Variants in SNX14 observed in about 807,000 individuals in gnomAD.
SNX14 encodes the protein sorting nexin 14, also known as sorting nexin-14.
A neutral mutation model predicts 133.8 loss-of-function variants in SNX14; 93 were observed. The ratio of observed to expected loss-of-function variants is 0.70; its 90% CI spans 0.59 to 0.83. The LOEUF (loss-of-function observed/expected upper bound fraction) is 0.83. Among genes scored for constraint, SNX14 ranks in the 40% least tolerant of loss-of-function variants. The pLI is 0.00. For missense variants in SNX14, 945 were observed against 1,094.9 expected (o/e 0.86, Z 1.93); for synonymous variants, 368 against 365.6 (o/e 1.01, Z -0.07).
rs771704270 is a variant in SNX14, at chr6:85,533,555, A to G, written c.1810+44T>C. The G allele has an allele frequency of 3.2e-6, 5 of 1,575,504 alleles. No individual in the cohort carries two copies. In the Admixed American group the frequency reaches 5.2e-5, roughly 16 times the overall value. The stretch of plus-strand genomic sequence containing the variant: ...TATCATACCTGATAACAACAGACTC[A>G]TTCATGGGCATCTTTTAAGAAAGGT... On this transcript the variant is annotated intron_variant, in intron 18 of 28. Coordinates refer to ENST00000314673, the MANE Select transcript of SNX14 (RefSeq NM_153816.6).
chr6:85,581,782 G>C (rs187100690), intron 1 of SNX14: 118 of 152,222 alleles, frequency 7.8e-4, no homozygotes, highest in African/African-American at 2.2e-3. Flanking sequence ...TTGAAGACAG[G>C]CTATTTGAAA....
At chr6:85,554,683 T>G (rs2128125464) in intron 7 of SNX14, among the ~76,000 whole-genome samples, 1 of 152,316 alleles carries the variant, frequency 6.6e-6, no homozygotes, top group Non-Finnish European at 1.5e-5. Context: ...TATTAATGAA[T>G]GCAATCTAGC....
intron 26 of SNX14, among the ~76,000 whole-genome samples, chr6:85,511,639 A>G (rs1772861742): frequency 6.6e-6 from 1 of 152,198 alleles, no homozygotes; most frequent in South Asian, 2.1e-4. Flanking sequence ...CTTTTTCTGC[A>G]TCTACTGCTA....
chr6:85,575,970 C>T (rs1049734333), intron 1 of SNX14, among the ~76,000 whole-genome samples: 1 of 152,172 alleles, frequency 6.6e-6, no homozygotes, highest in Non-Finnish European at 1.5e-5. Context: ...AAATATAACA[C>T]TTTAATTCTC....
At chr6:85,578,263 G>A (rs1486275504) in intron 1 of SNX14, among the ~76,000 whole-genome samples, 1 of 152,206 alleles carries the variant, frequency 6.6e-6, no homozygotes, top group East Asian at 1.9e-4. Flanking sequence ...ATGCATAGAA[G>A]GATGAATATG....
chr6:85,591,100 T>A (rs1261763718), intron 1 of SNX14, among the ~76,000 whole-genome samples: 1 of 152,216 alleles, frequency 6.6e-6, no homozygotes, highest in African/African-American at 2.4e-5. Context: ...CTCTGCACTG[T>A]TCAAGGATCA....
At chr6:85,577,737 A>C (rs1367141131) in intron 1 of SNX14, among the ~76,000 whole-genome samples, 2 of 152,220 alleles carry the variant, frequency 1.3e-5, no homozygotes, top group African/African-American at 4.8e-5. Context: ...AATTAGAAGA[A>C]TTGGAAAGAA....
chr6:85,534,527 C>T (rs1582704971), intron 17 of SNX14, among the ~76,000 whole-genome samples: 1 of 152,290 alleles, frequency 6.6e-6, no homozygotes, highest in South Asian at 2.1e-4. Flanking sequence ...AGTTTGCCTG[C>T]TTCTCCAACT....
At chr6:85,558,936 G>GA (rs11316571) in intron 6 of SNX14, among the ~76,000 whole-genome samples, 57 of 146,468 alleles carry the variant, frequency 3.9e-4, no homozygotes, top group South Asian at 1.3e-3. Flanking sequence ...CAGAAAACAG[G>GA]AAAAAAAAAA....
Position 85,528,203 on chromosome 6 carries a change from G to C in SNX14, c.1995+59C>G, listed in dbSNP as rs1467454041. 3.3e-6 allele frequency: 4 copies of C among 1,195,828 alleles called. No homozygotes were observed. The African/African-American group carries it at 4.6e-5, about 14-fold the overall frequency. The allele number at this position is 1,195,828 out of a possible 1,614,324, so 74.1% of individuals were successfully genotyped here. A position where few individuals can be genotyped will look rare whatever the true frequency, so the allele number is the denominator to read the frequency against. On this transcript the variant is annotated intron_variant, in intron 20 of 28. Transcript: ENST00000314673. ...AGAACATATACACAAGAGAAAAAGA[G>C]ACAAATTAGAGAATGCTATGATTAG...
intron 15 of SNX14, among the ~76,000 whole-genome samples, chr6:85,540,804 T>C (rs536046108): frequency 1.3e-5 from 2 of 152,290 alleles, no homozygotes; most frequent in East Asian, 1.9e-4. Flanking sequence ...TCTTGACTTA[T>C]CTACTTTTCT....
In SNX14 at chr6:85,505,963, G is replaced by T. The variant is rs781667644; in HGVS notation, c.*4C>A. On this transcript the variant is annotated 3_prime_UTR_variant, in exon 29 of 29. Transcript: ENST00000314673. ...ATGGGTTATTCTATACCAAATCCAA[G>T]TGTTTACATCCAAGATGTCACAGAG... is the stretch of plus-strand genomic sequence containing the variant. 1.3e-6 allele frequency: 2 copies of T among 1,598,830 alleles called. No homozygotes were observed. Among genetic ancestry groups the T allele is most frequent in the Non-Finnish European group, 1.7e-6 (2 of 1,166,656 alleles).
At chr6:85,527,356 A>T (rs1462780057) in intron 20 of SNX14, among the ~76,000 whole-genome samples, 2 of 151,340 alleles carry the variant, frequency 1.3e-5, no homozygotes, top group Non-Finnish European at 2.9e-5. Flanking sequence ...TTCAATTTTC[A>T]TATCACCAAA....
At chr6:85,574,131 AG>A (rs377710965) in intron 2 of SNX14, 126 bp downstream of exon 2, 47 of 698,552 alleles carry the variant, frequency 6.7e-5, no homozygotes, top group African/African-American at 3.4e-4. Flanking sequence ...AAAAAAAAAA[AG>A]AGAAGAAATT....
chr6:85,587,255 T>C (rs377467126), intron 1 of SNX14, among the ~76,000 whole-genome samples: 4 of 151,908 alleles, frequency 2.6e-5, no homozygotes, highest in South Asian at 2.1e-4. Flanking sequence ...AGTTGAGTAA[T>C]GGGTGCTTGC....
At chr6:85,527,207 A>G (rs931675828) in intron 20 of SNX14, among the ~76,000 whole-genome samples, 1 of 152,234 alleles carries the variant, frequency 6.6e-6, no homozygotes, top group African/African-American at 2.4e-5. Context: ...ATATTACAAG[A>G]AAATATTTCT....
rs1290984129 is a variant in SNX14, at chr6:85,549,899, A to T, written c.635-20T>A. The T allele has an allele frequency of 1.9e-6, 3 of 1,577,574 alleles. No homozygotes were observed. Among genetic ancestry groups the T allele is most frequent in the Non-Finnish European group, 8.6e-7 (1 of 1,159,308 alleles). ...TTTTTACTATAGAGATTAAAGATAA[A>T]TATTGAAACAAGTTAAGTGACATTA... On this transcript the variant is annotated intron_variant, in intron 7 of 28. Transcript: ENST00000314673.
At chr6:85,509,588 A>G (rs1439523496) in intron 26 of SNX14, among the ~76,000 whole-genome samples, 2 of 152,154 alleles carry the variant, frequency 1.3e-5, no homozygotes, top group African/African-American at 2.4e-5. Context: ...GAGATTTCGC[A>G]TATGTTCCCT....
Position 85,536,151 on chromosome 6 carries a change from G to A in SNX14, c.1608+641C>T, listed in dbSNP as rs550870911. Among the ~76,000 whole-genome samples the A allele has an allele frequency of 9.2e-5, 14 of 152,254 alleles. No homozygotes were observed. In the South Asian group the frequency reaches 2.5e-3, roughly 27 times the overall value. ...AGTTCAACTTGGGGATTTGGGTAAAGGTTTATGGGGAACAGTTGCATTTTG... is the reference window on the plus strand; with the variant it reads ...AGTTCAACTTGGGGATTTGGGTAAAAGTTTATGGGGAACAGTTGCATTTTG... On this transcript the variant is annotated intron_variant, in intron 17 of 28. Coordinates refer to ENST00000314673, the MANE Select transcript of SNX14 (RefSeq NM_153816.6).
Sources: allele counts gnomAD v4.1 joint callset (sites outside exome capture counted in the v4.1 genomes callset), GRCh38; gene constraint gnomAD v4.1.1; transcripts MANE v1.5; gene names NCBI Gene and HGNC (gene_info 2026-07-23, HGNC 2026-07-21).